Variants in PHACTR2 observed in about 807,000 individuals in gnomAD.
PHACTR2 encodes phosphatase and actin regulator 2.
PHACTR2 carries 30 observed loss-of-function variants against 76.0 expected under a neutral mutation model. That is an observed-to-expected ratio of 0.39 (90% confidence interval 0.30 to 0.54). The LOEUF is 0.54. Among genes scored for constraint, PHACTR2 ranks in the 20% least tolerant of loss-of-function variants. The pLI is 0.61. For missense variants in PHACTR2, 696 were observed against 781.1 expected, an observed-to-expected ratio of 0.89 and a Z score of 1.30; for synonymous variants, 292 against 292.5, an observed-to-expected ratio of 1.00 and a Z score of 0.02.
intron 2 of PHACTR2, among the ~76,000 whole-genome samples, chr6:143,718,888 T>G (rs7762507): frequency 0.56 from 79,588 of 142,192 alleles, 22,760 homozygotes; most frequent in African/African-American, 0.72. Flanking sequence ...TTTTTTTTTT[T>G]TTTTTTTTTT....
In PHACTR2 at chr6:143,731,955, G is replaced by A. The variant is rs1240889121; in HGVS notation, c.215-17030G>A. Among the ~76,000 whole-genome samples the A allele has an allele frequency of 6.6e-6, 1 of 152,128 alleles. No homozygotes were observed. The highest frequency in any genetic ancestry group is 1.5e-5 in the Non-Finnish European group (1 of 68,020). On this transcript the variant is annotated intron_variant, in intron 2 of 12. Coordinates refer to ENST00000440869, the MANE Select transcript of PHACTR2 (RefSeq NM_001100164.2). This position sits in a 1 kb window ranked among gnomAD's most constrained non-coding sequence, Gnocchi z 4.9. ...TTGGGTAAGTTTAAGCAGGCCCTCT[G>A]GTGCTTTGAAATGGAAAAGAAAGTG...
chr6:143,638,618 G>T (rs1776510714), intron 1 of PHACTR2, among the ~76,000 whole-genome samples: 1 of 149,892 alleles, frequency 6.7e-6, no homozygotes, highest in Admixed American at 6.7e-5. Flanking sequence ...TCCAAGTTTT[G>T]AGCTAATTTT....
Position 143,819,718 on chromosome 6 carries a change from G to C in PHACTR2, c.1923-3956G>C, listed in dbSNP as rs1007512497. On this transcript the variant is annotated intron_variant, in intron 12 of 12. Transcript: ENST00000440869. The surrounding 1 kb of genome is among the most constrained non-coding windows in gnomAD (Gnocchi z 5.0). ...ACATAGTCTCCTTTTCTCTGTTTTT[G>C]TCCTCTCTGGCTCTCTGGCAGATTG... Among the ~76,000 whole-genome samples, 6 of 152,088 alleles carry C rather than the reference G, an allele frequency of 3.9e-5. No individual in the cohort carries two copies. The highest frequency in any genetic ancestry group is 1.4e-4 in the African/African-American group (6 of 41,404).
At chr6:143,748,908 C>G in intron 2 of PHACTR2, 77 bp from the exon 3 acceptor site, 1 of 769,934 alleles carries the variant, frequency 1.3e-6, no homozygotes, top group South Asian at 1.6e-5. Context: ...TAAATGTGCT[C>G]AATTCTACTT....
chr6:143,713,925 A>G (rs111330956), intron 2 of PHACTR2, among the ~76,000 whole-genome samples: 4 of 152,326 alleles, frequency 2.6e-5, no homozygotes, highest in African/African-American at 9.6e-5. Context: ...AACGAACATA[A>G]GATACAAAAT....
rs1382606560 is a variant in PHACTR2, at chr6:143,772,832, G to C, written c.1432+375G>C. On this transcript the variant is annotated intron_variant, in intron 7 of 12. Transcript: ENST00000440869. The surrounding 1 kb of genome is among the most constrained non-coding windows in gnomAD (Gnocchi z 5.4). The stretch of plus-strand genomic sequence containing the variant: ...AAAGAAAGTCAGTGCAGATTCATAG[G>C]CTTACTCATTGGAGGTGTTTGAAAT... Among the ~76,000 whole-genome samples the C allele has an allele frequency of 5.3e-5, 8 of 152,276 alleles. No individual in the cohort carries two copies. The East Asian group carries it at 1.5e-3, about 29-fold the overall frequency.
intron 7 of PHACTR2, 69 bp from the exon 8 acceptor site, chr6:143,773,990 C>A (rs1775213550): frequency 1.5e-6 from 2 of 1,354,968 alleles, no homozygotes; most frequent in South Asian, 1.3e-5. Context: ...AAGTCCATGC[C>A]ATGTGTAACC....
chr6:143,806,524 C>T lies in PHACTR2; in HGVS notation c.1846-533C>T, dbSNP rs765084828. On this transcript the variant is annotated intron_variant, in intron 11 of 12. Transcript: ENST00000440869. This position sits in a 1 kb window ranked among gnomAD's most constrained non-coding sequence, Gnocchi z 5.8. ...TGGTCATCGTGGGTGGGGGATGTTC[C>T]GTGTGACTCATAGACCAGACTCAAG... Among the ~76,000 whole-genome samples the T allele has an allele frequency of 5.3e-5, 8 of 152,104 alleles. No individual in the cohort carries two copies. Among genetic ancestry groups the T allele is most frequent in the Non-Finnish European group, 8.8e-5 (6 of 68,018 alleles).
At chr6:143,544,568 A>G (rs1781205390) in intron 1 of PHACTR2, among the ~76,000 whole-genome samples, 1 of 152,198 alleles carries the variant, frequency 6.6e-6, no homozygotes, top group African/African-American at 2.4e-5. Context: ...TGTGAGGCTG[A>G]AATGTGTGAA....
At position 143,580,653 on chromosome 6, in the gene PHACTR2, A is replaced by G. The variant is rs986692763; in HGVS notation, c.217+43446A>G. Among the ~76,000 whole-genome samples the G allele has an allele frequency of 2.6e-5, 4 of 152,254 alleles. No homozygotes were observed. In the East Asian group the frequency reaches 7.7e-4, roughly 29 times the overall value. ...ATGCCACTGTACTCCAGCCTGGGTG[A>G]CAGAGCAAGACTCCGTCTCAAAAAA... On this transcript the variant is annotated intron_variant, in intron 1 of 11. Coordinates refer to the PHACTR2 transcript ENST00000367584. This position sits in a 1 kb window ranked among gnomAD's most constrained non-coding sequence, Gnocchi z 4.2.
chr6:143,770,105 A>G, intron 6 of PHACTR2, among the ~76,000 whole-genome samples: 1 of 152,230 alleles, frequency 6.6e-6, no homozygotes, highest in Non-Finnish European at 1.5e-5. Context: ...ACAGATGTGT[A>G]TTGATTGGTG....
chr6:143,792,746 C>T (rs936657263), intron 11 of PHACTR2, among the ~76,000 whole-genome samples: 4 of 152,088 alleles, frequency 2.6e-5, no homozygotes, highest in Non-Finnish European at 5.9e-5. Context: ...TCCTAGTCCG[C>T]CAAACTACCT....
chr6:143,579,042 T>C (rs373522254), intron 1 of PHACTR2, among the ~76,000 whole-genome samples: 4 of 152,226 alleles, frequency 2.6e-5, no homozygotes, highest in East Asian at 3.9e-4. Context: ...TAGCTGGGAC[T>C]ACAGGTGCAT....
At position 143,721,302 on chromosome 6, in the gene PHACTR2, C is replaced by T. The variant is rs376158485; in HGVS notation, c.214+9119C>T. Among the ~76,000 whole-genome samples, 5 of 152,290 alleles carry T rather than the reference C, an allele frequency of 3.3e-5. No homozygotes were observed. In the East Asian group the frequency reaches 7.7e-4, roughly 23 times the overall value. ...GATTATTTGGAATTATGGGTATGCT[C>T]CCAAACTAATTTACAAAATTGAGTT... On this transcript the variant is annotated intron_variant, in intron 2 of 12. Coordinates refer to ENST00000440869, the MANE Select transcript of PHACTR2 (RefSeq NM_001100164.2).
In PHACTR2 at chr6:143,617,261, T is replaced by C. The variant is rs956516752; in HGVS notation, c.13+8939T>C. Among the ~76,000 whole-genome samples the C allele has an allele frequency of 1.4e-4, 21 of 152,226 alleles. No homozygotes were observed. The highest frequency in any genetic ancestry group is 4.4e-5 in the Non-Finnish European group (3 of 68,038). On this transcript the variant is annotated intron_variant, in intron 1 of 11. Coordinates refer to the PHACTR2 transcript ENST00000305766. The surrounding 1 kb of genome is among the most constrained non-coding windows in gnomAD (Gnocchi z 4.8). ...CAAGCCCTGAATTTTCTCATGACGC[T>C]GATGGAATTCAACACCCAGTTTTGT...
At chr6:143,620,782 A>C (rs916127042) in intron 1 of PHACTR2, among the ~76,000 whole-genome samples, 1 of 152,246 alleles carries the variant, frequency 6.6e-6, no homozygotes, top group Non-Finnish European at 1.5e-5. Context: ...AGCCAGGCAC[A>C]GTTTACCCTT....
intron 1 of PHACTR2, among the ~76,000 whole-genome samples, chr6:143,551,646 T>A (rs970940876): frequency 2.6e-5 from 4 of 152,028 alleles, no homozygotes; most frequent in Admixed American, 2.6e-4. Context: ...GGGACCTCCT[T>A]CTAGGGAGAC....
intron 1 of PHACTR2, among the ~76,000 whole-genome samples, chr6:143,628,935 A>ATATATAT (rs1776309836): frequency 1.4e-4 from 1 of 7,342 alleles, no homozygotes; most frequent in East Asian, 1.4e-3. Flanking sequence ...ATATATATAT[A>ATATATAT]TATATATATA....
chr6:143,636,649 G>A (rs1372301520), intron 1 of PHACTR2, among the ~76,000 whole-genome samples: 1 of 152,158 alleles, frequency 6.6e-6, no homozygotes, highest in Non-Finnish European at 1.5e-5. Context: ...TTATTTTCAT[G>A]CCTTTAAACA....
Sources: gnomAD v4.1 joint callset for allele counts (sites outside exome capture counted in the v4.1 genomes callset) on GRCh38, gnomAD v4.1.1 for gene constraint, Gnocchi (gnomAD v3.1) non-coding constraint, MANE v1.5 for transcripts, NCBI Gene and HGNC (gene_info 2026-07-23, HGNC 2026-07-21) for gene names.